Variants in RBMS1 observed in about 807,000 individuals in gnomAD.
RBMS1 encodes the protein RNA-binding motif, single-stranded-interacting protein 1.
In RBMS1, 17 loss-of-function variants were observed where a neutral mutation model predicts 62.3. That is an observed-to-expected ratio of 0.27 (90% CI 0.19 to 0.41). The LOEUF (loss-of-function observed/expected upper bound fraction) is 0.41, where lower values mean the gene tolerates loss of function less well. RBMS1 is among the 10% of genes least tolerant of loss of function. RBMS1 has a pLI of 1.00. For missense variants in RBMS1, 334 were observed against 504.5 expected (o/e 0.66, Z 3.24); for synonymous variants, 172 against 170.0 (o/e 1.01, Z -0.09).
At chr2:160,456,454 ATACAG>A (rs1273256204) in intron 1 of RBMS1, among the ~76,000 whole-genome samples, 3 of 152,224 alleles carry the variant, frequency 2.0e-5, no homozygotes, top group Non-Finnish European at 2.9e-5. Flanking sequence ...CTTAAATAAA[ATACAG>A]TATAGATTGT....
At chr2:160,423,990 G>A (rs1696538179) in intron 1 of RBMS1, among the ~76,000 whole-genome samples, 1 of 150,560 alleles carries the variant, frequency 6.6e-6, no homozygotes, top group Admixed American at 6.6e-5. Context: ...AAAATTTATT[G>A]ACTTGGAAGT....
chr2:160,452,982 G>A (rs1684056773), intron 1 of RBMS1, among the ~76,000 whole-genome samples: 1 of 152,038 alleles, frequency 6.6e-6, no homozygotes, highest in Non-Finnish European at 1.5e-5. Flanking sequence ...TGTAGGATGG[G>A]GTAATAGTAG....
intron 1 of RBMS1, among the ~76,000 whole-genome samples, chr2:160,392,751 A>C (rs1694933154): frequency 6.6e-6 from 1 of 152,082 alleles, no homozygotes; most frequent in Non-Finnish European, 1.5e-5. Flanking sequence ...AATTAACTGC[A>C]TGTGGTGGTG....
rs79831923 is a variant in RBMS1, at chr2:160,378,441, C to T, written c.76-11050G>A. 1.6e-3 allele frequency among the ~76,000 whole-genome samples: 239 copies of T among 151,952 alleles called. 5 individuals are homozygous for T. In the East Asian group the frequency reaches 0.04, roughly 25 times the overall value. On this transcript the variant is annotated intron_variant, in intron 1 of 13. Transcript: ENST00000348849. ...CAGCCTGGGCAACATAGCAAAATCCCATTTATACAAAAAGGAAAAAAAAAT... is the reference window on the plus strand; with the variant it reads ...CAGCCTGGGCAACATAGCAAAATCCTATTTATACAAAAAGGAAAAAAAAAT...
At chr2:160,362,135 G>C (rs1457551963) in intron 2 of RBMS1, among the ~76,000 whole-genome samples, 1 of 152,226 alleles carries the variant, frequency 6.6e-6, no homozygotes, top group African/African-American at 2.4e-5. Context: ...TTAGGGTCTT[G>C]CTCTGGATTA....
chr2:160,347,885 C>T (rs1259264615), intron 2 of RBMS1, among the ~76,000 whole-genome samples: 2 of 151,932 alleles, frequency 1.3e-5, no homozygotes, highest in Non-Finnish European at 2.9e-5. Context: ...TTACTTAGTG[C>T]TTTCATATTC....
At position 160,272,546 on chromosome 2, in the gene RBMS1, C is replaced by G. The variant is rs1687633978; in HGVS notation, c.*2226G>C. The stretch of plus-strand genomic sequence containing the variant: ...ACCCAGACGAGTATGGCACTTAGTT[C>G]AGACATTTCTAGCAGCAGATTTCCC... On this transcript the variant is annotated 3_prime_UTR_variant, in exon 14 of 14. Coordinates refer to ENST00000348849, the MANE Select transcript of RBMS1 (RefSeq NM_016836.4). 6.6e-6 allele frequency: 1 copy of G among 151,190 alleles called. No homozygotes were observed. The highest frequency in any genetic ancestry group is 2.4e-5 in the African/African-American group (1 of 41,120). 9.4% of individuals were successfully genotyped at this position (151,190 alleles called of 1,614,324 possible).
intron 4 of RBMS1, among the ~76,000 whole-genome samples, chr2:160,310,417 G>A (rs1309137417): frequency 1.3e-5 from 2 of 152,166 alleles, no homozygotes; most frequent in Non-Finnish European, 2.9e-5. Flanking sequence ...ATATGAGTCT[G>A]ACATTCTATA....
At chr2:160,458,459 T>C (rs1684331671) in intron 1 of RBMS1, among the ~76,000 whole-genome samples, 2 of 152,200 alleles carry the variant, frequency 1.3e-5, no homozygotes, top group African/African-American at 4.8e-5. Flanking sequence ...GTAAAAATTG[T>C]TGGTCACATC....
intron 1 of RBMS1, among the ~76,000 whole-genome samples, chr2:160,473,984 C>T (rs1193528559): frequency 6.6e-6 from 1 of 152,100 alleles, no homozygotes; most frequent in African/African-American, 2.4e-5. Context: ...TAGAGGAAAG[C>T]TAGTTTTATC....
chr2:160,347,527 G>A (rs1692252858), intron 2 of RBMS1, among the ~76,000 whole-genome samples: 1 of 151,988 alleles, frequency 6.6e-6, no homozygotes, highest in African/African-American at 2.4e-5. Flanking sequence ...CTACAGAACT[G>A]GAAAATTATT....
intron 1 of RBMS1, among the ~76,000 whole-genome samples, chr2:160,478,398 G>A (rs1419864536): frequency 6.6e-6 from 1 of 152,186 alleles, no homozygotes; most frequent in Non-Finnish European, 1.5e-5. Context: ...ACAATCCTAA[G>A]AAGTTGGGTG....
In RBMS1 at chr2:160,367,368, G is replaced by T; in HGVS notation, c.99C>A (p.Pro33=). ...QAKQSLVPAH[P]MAPPSPSTTS... is the part of the protein sequence containing the mutation. ...TGGTGCTGGGACTGGGAGGGGCCAT[G>T]GGGTGGGCTGGGACCAGAGACTGCT... is the stretch of plus-strand genomic sequence containing the variant. Residue 33 remains proline (P), a synonymous_variant, in exon 2 of 14, where the codon CCC becomes CCA. Transcript: ENST00000348849. 6.2e-7 allele frequency: 1 copy of T among 1,614,060 alleles called. No homozygotes were observed. The highest frequency in any genetic ancestry group is 1.1e-5 in the South Asian group (1 of 91,078).
intron 1 of RBMS1, among the ~76,000 whole-genome samples, chr2:160,484,563 G>A (rs1328093542): frequency 6.7e-6 from 1 of 149,304 alleles, no homozygotes; most frequent in African/African-American, 2.5e-5. Context: ...AGGGTCTGGG[G>A]ATTCCCTAAA....
At position 160,300,857 on chromosome 2, in the gene RBMS1, T is replaced by A. The variant is rs1421651362; in HGVS notation, c.561-127A>T. 3 of 1,069,090 alleles carry A rather than the reference T, an allele frequency of 2.8e-6. No individual in the cohort carries two copies. The East Asian group carries it at 8.9e-5, about 32-fold the overall frequency. The allele number at this position is 1,069,090 out of a possible 1,614,324, so 66.2% of individuals were successfully genotyped here. The stretch of plus-strand genomic sequence containing the variant: ...ATGAAACCTAGTAAAAATGTGAATA[T>A]GATAAAGGGTCTATTCTACCTTTTA... On this transcript the variant is annotated intron_variant, in intron 5 of 13. Transcript: ENST00000348849.
chr2:160,390,653 G>A (rs1308888465), intron 1 of RBMS1, among the ~76,000 whole-genome samples: 2 of 140,080 alleles, frequency 1.4e-5, no homozygotes, highest in Admixed American at 7.9e-5. Flanking sequence ...CCATGTGCAT[G>A]CCACTGCACT....
At chr2:160,318,447 A>G (rs1441674400) in intron 2 of RBMS1, among the ~76,000 whole-genome samples, 1 of 152,130 alleles carries the variant, frequency 6.6e-6, no homozygotes, top group Non-Finnish European at 1.5e-5. Context: ...GAATTGTGGG[A>G]TTGCAGTTTG....
intron 11 of RBMS1, 40 bp downstream of exon 11, chr2:160,278,508 C>T: frequency 1.3e-6 from 2 of 1,514,554 alleles, no homozygotes; most frequent in Non-Finnish European, 9.1e-7. Context: ...ATTTACCCTC[C>T]TCTGTTTACA....
chr2:160,467,221 G>T (rs951795634), intron 1 of RBMS1, among the ~76,000 whole-genome samples: 36 of 151,218 alleles, frequency 2.4e-4, no homozygotes, highest in African/African-American at 8.5e-4. Flanking sequence ...AAAAAAAAAA[G>T]GTGGGCACGG....
Sources: allele counts gnomAD v4.1 joint callset (sites outside exome capture counted in the v4.1 genomes callset), GRCh38; gene constraint gnomAD v4.1.1; transcripts MANE v1.5; gene names NCBI Gene and HGNC (gene_info 2026-07-23, HGNC 2026-07-21).